The following REPS2 variants were observed in gnomAD, a reference collection of about 807,000 sequenced individuals.
The protein encoded by REPS2 is RALBP1 associated Eps domain containing 2, also known as ralBP1-associated Eps domain-containing protein 2.
Under a neutral mutation model 53.6 loss-of-function variants are expected in REPS2, and 23 were observed. That is an observed-to-expected ratio of 0.43 (90% CI 0.31 to 0.61). The LOEUF (loss-of-function observed/expected upper bound fraction) is 0.61. REPS2 is among the 20% of genes least tolerant of loss of function. The pLI is 0.11. For synonymous variants in REPS2, 238 were observed against 218.6 expected (o/e 1.09, Z -0.78); for missense variants, 446 against 534.9 (o/e 0.83, Z 1.64).
At chrX:17,117,104 G>A (rs1381863968) in intron 14 of REPS2, among the ~76,000 whole-genome samples, 1 of 111,352 alleles carries the variant, frequency 9.0e-6, no homozygotes, top group Admixed American at 9.5e-5. Flanking sequence ...CCAGGCTTCA[G>A]TGTTATATCT....
rs193202654 is a variant in REPS2, at chrX:17,096,671, A to G, written c.1517-7047A>G. 7.1e-3 allele frequency among the ~76,000 whole-genome samples: 703 copies of G among 99,689 alleles called. 8 individuals carry two copies. Among genetic ancestry groups the G allele is most frequent in the African/African-American group, 0.025 (680 of 27,429 alleles). 86.6% of individuals were successfully genotyped at this position (99,689 alleles called of 115,157 possible). A position where few individuals can be genotyped will look rare whatever the true frequency, so the allele number is the denominator to read the frequency against. ...CGAGACTCCGTCTCAAAAAAAAAAA[A>G]AAAAAAAAAAAGAAAAGAAAAGAGG... On this transcript the variant is annotated intron_variant, in intron 13 of 17. Coordinates refer to ENST00000357277, the MANE Select transcript of REPS2 (RefSeq NM_004726.3).
rs532740100 is a variant in REPS2 at position 17,096,340 on chromosome X, C to T, written c.1517-7378C>T. 3.7e-4 allele frequency among the ~76,000 whole-genome samples: 41 copies of T among 111,733 alleles called. No homozygotes were observed. The South Asian group carries it at 0.015, about 41-fold the overall frequency. On this transcript the variant is annotated intron_variant, in intron 13 of 17. Coordinates refer to ENST00000357277, the MANE Select transcript of REPS2 (RefSeq NM_004726.3). ...ACAGGAAATACAAAGCCCTCAGATA[C>T]TGAAATTATATAAATATGTTGAAAG...
intron 13 of REPS2, among the ~76,000 whole-genome samples, chrX:17,096,565 C>T (rs1391205964): frequency 1.1e-5 from 1 of 92,321 alleles, no homozygotes; most frequent in Non-Finnish European, 2.1e-5. Context: ...GAGGCTGAGG[C>T]AGGAGAATGG....
At chrX:17,061,311 T>C (rs768111816) in intron 8 of REPS2, among the ~76,000 whole-genome samples, 21 of 112,119 alleles carry the variant, frequency 1.9e-4, no homozygotes, top group Admixed American at 1.1e-3. Context: ...GGTAGGTAGA[T>C]ACAAAGACAG....
At chrX:17,127,114 T>A (rs1405396250) in intron 14 of REPS2, among the ~76,000 whole-genome samples, 3 of 112,152 alleles carry the variant, frequency 2.7e-5, no homozygotes, top group Non-Finnish European at 5.6e-5. Context: ...CCTTATCTTT[T>A]CTTGCACTCA....
chrX:17,026,641 T>G (rs1286247614), intron 4 of REPS2, among the ~76,000 whole-genome samples: 1 of 111,086 alleles, frequency 9.0e-6, no homozygotes, highest in Non-Finnish European at 1.9e-5. Flanking sequence ...CAAATTGGGC[T>G]TCCATTTCCC....
chrX:17,067,484 A>G (rs1311789084), intron 9 of REPS2, among the ~76,000 whole-genome samples: 1 of 112,123 alleles, frequency 8.9e-6, no homozygotes, highest in African/African-American at 3.2e-5. Flanking sequence ...GTTATTAACT[A>G]TAGTTAGAAT....
At chrX:17,179,626 AATT>A in the REPS2 span, among the ~76,000 whole-genome samples, 1 of 111,875 alleles carries the variant, frequency 8.9e-6, no homozygotes, top group Non-Finnish European at 1.9e-5. Context: ...GGCATACATA[AATT>A]ATTATTATTT....
the REPS2 span, among the ~76,000 whole-genome samples, chrX:17,186,191 G>A: frequency 8.9e-6 from 1 of 112,477 alleles, no homozygotes; most frequent in African/African-American, 3.2e-5. Context: ...AAAGTGGGGG[G>A]ATTCTGCTTC....
intron 7 of REPS2, among the ~76,000 whole-genome samples, chrX:17,054,415 G>T (rs1160949146): frequency 8.9e-6 from 1 of 111,907 alleles, no homozygotes; most frequent in Non-Finnish European, 1.9e-5. Flanking sequence ...AATGGCTGGG[G>T]CCACCCTTCC....
chrX:17,018,290 G>T (rs1042920665), intron 2 of REPS2, among the ~76,000 whole-genome samples: 2 of 106,944 alleles, frequency 1.9e-5, no homozygotes, highest in East Asian at 5.8e-4. Flanking sequence ...AGGCTCAAGA[G>T]ATTCTTGTGC....
At chrX:17,078,236 A>G (rs1223139875) in intron 13 of REPS2, among the ~76,000 whole-genome samples, 2 of 112,082 alleles carry the variant, frequency 1.8e-5, no homozygotes. Flanking sequence ...CTTTTTCTCC[A>G]TCTATGTGCA....
At chrX:16,956,925 C>T (rs1264765042) in intron 1 of REPS2, among the ~76,000 whole-genome samples, 3 of 112,425 alleles carry the variant, frequency 2.7e-5, no homozygotes. Flanking sequence ...CATTCAGAAC[C>T]AGGAGAGGCC....
At chrX:17,175,659 G>A in the REPS2 span, among the ~76,000 whole-genome samples, 10 of 112,348 alleles carry the variant, frequency 8.9e-5, no homozygotes, top group African/African-American at 3.2e-4. Flanking sequence ...AATTAATTTA[G>A]GCAATGTTAG....
At chrX:17,135,180 C>T in intron 15 of REPS2, 81 bp from the exon 16 acceptor site, 3 of 1,030,498 alleles carry the variant, frequency 2.9e-6, no homozygotes, top group Non-Finnish European at 4.0e-6. Context: ...GGGCTAAAGG[C>T]ATGTGGGACA....
chrX:17,048,300 T>C (rs976249637), intron 6 of REPS2, among the ~76,000 whole-genome samples: 7 of 112,227 alleles, frequency 6.2e-5, no homozygotes, highest in Admixed American at 9.5e-5. Flanking sequence ...ATTTACTGAT[T>C]GGTGGTAATG....
intron 1 of REPS2, among the ~76,000 whole-genome samples, chrX:16,955,118 A>G (rs771798387): frequency 9.0e-6 from 1 of 111,255 alleles, no homozygotes; most frequent in Admixed American, 9.5e-5. Context: ...TGGCCTATTT[A>G]TAACTTTAAA....
At chrX:17,112,147 A>T (rs990122523) in intron 14 of REPS2, among the ~76,000 whole-genome samples, 1 of 110,317 alleles carries the variant, frequency 9.1e-6, no homozygotes, top group African/African-American at 3.3e-5. Context: ...TTTTGTAGAG[A>T]CAGGGTCTTC....
At chrX:17,182,884 A>AG in the REPS2 span, among the ~76,000 whole-genome samples, 1 of 112,094 alleles carries the variant, frequency 8.9e-6, no homozygotes, top group Non-Finnish European at 1.9e-5. Flanking sequence ...AAATCTGCCA[A>AG]GCATCAAACA....
Sources: allele counts gnomAD v4.1 joint callset (sites outside exome capture counted in the v4.1 genomes callset), GRCh38; gene constraint gnomAD v4.1.1; transcripts MANE v1.5; gene names NCBI Gene and HGNC (gene_info 2026-07-23, HGNC 2026-07-21).